Variants in FLVCR2 observed in about 807,000 individuals in gnomAD.
The protein encoded by FLVCR2 is FLVCR choline and putative heme transporter 2.
In FLVCR2, 38 loss-of-function variants were observed where a neutral mutation model predicts 48.9. The observed-to-expected ratio is 0.78, with a 90% CI of 0.60 to 1.02. The LOEUF (loss-of-function observed/expected upper bound fraction) is 1.02, where lower values mean the gene tolerates loss of function less well. Among genes scored for constraint, FLVCR2 ranks in the 50% least tolerant of loss-of-function variants. The pLI, the probability that FLVCR2 is intolerant of heterozygous loss-of-function variation, is 0.00. For missense variants in FLVCR2, 664 were observed against 663.3 expected (o/e 1.00, Z -0.01); for synonymous variants, 255 against 257.0 (o/e 0.99, Z 0.07).
intron 1 of FLVCR2, among the ~76,000 whole-genome samples, chr14:75,590,291 C>T (rs1888849805): frequency 6.6e-6 from 1 of 152,174 alleles, no homozygotes; most frequent in Admixed American, 6.5e-5. Context: ...GCCCACGTGA[C>T]CCAAACACTT....
At chr14:75,592,572 G>T (rs765525974) in intron 1 of FLVCR2, among the ~76,000 whole-genome samples, 14 of 152,142 alleles carry the variant, frequency 9.2e-5, no homozygotes, top group Admixed American at 3.3e-4. Flanking sequence ...ACTTGGCCAG[G>T]CTGCAAATTT....
chr14:75,602,109 G>A (rs920451042), intron 1 of FLVCR2, among the ~76,000 whole-genome samples: 1 of 152,224 alleles, frequency 6.6e-6, no homozygotes, highest in African/African-American at 2.4e-5. Flanking sequence ...GATGGGGATT[G>A]TGGAGCTTCC....
chr14:75,635,112 A>G (rs1390841354), intron 5 of FLVCR2, 99 bp downstream of exon 5: 1 of 811,898 alleles, frequency 1.2e-6, no homozygotes, highest in Non-Finnish European at 2.1e-6. Context: ...TGGAGATCCT[A>G]GTGGCCAAGC....
chr14:75,623,568 G>T (rs550522500), intron 2 of FLVCR2, among the ~76,000 whole-genome samples: 1 of 151,916 alleles, frequency 6.6e-6, no homozygotes, highest in Admixed American at 6.6e-5. Context: ...TCATTCAACC[G>T]TTCTCATTGC....
rs1889850799 is a variant in FLVCR2 at position 75,624,594 on chromosome 14, C to G, written c.812-18C>G. 6.2e-7 allele frequency: 1 copy of G among 1,613,994 alleles called. No homozygotes were observed. The highest frequency in any genetic ancestry group is 1.7e-5 in the Admixed American group (1 of 60,000). On this transcript the variant is annotated intron_variant, in intron 2 of 9. Transcript: ENST00000238667. ...GGACCATGGGAATTTTCAGCCATCTCTGTTTTTTTCCTTTCAGTGTTCAAG... is the reference window on the plus strand; with the variant it reads ...GGACCATGGGAATTTTCAGCCATCTGTGTTTTTTTCCTTTCAGTGTTCAAG...
intron 1 of FLVCR2, among the ~76,000 whole-genome samples, chr14:75,607,409 G>C (rs116840170): frequency 6.6e-6 from 1 of 152,116 alleles, no homozygotes; most frequent in Non-Finnish European, 1.5e-5. Flanking sequence ...GAATTGGCTG[G>C]CTCCAAACCA....
chr14:75,580,322 A>G (rs1182669377), intron 1 of FLVCR2, among the ~76,000 whole-genome samples: 1 of 152,246 alleles, frequency 6.6e-6, no homozygotes. Context: ...CAATGTGGTT[A>G]TGATCCAGAA....
Position 75,594,538 on chromosome 14 carries a change from TG to T in FLVCR2, c.669+14899del, listed in dbSNP as rs113760916. 3.2e-3 allele frequency among the ~76,000 whole-genome samples: 489 copies of T among 152,340 alleles called. 1 individual carries two copies. Among genetic ancestry groups the T allele is most frequent in the African/African-American group, 0.011 (441 of 41,574 alleles). On this transcript the variant is annotated intron_variant, in intron 1 of 9. Coordinates refer to ENST00000238667, the MANE Select transcript of FLVCR2 (RefSeq NM_017791.3). ...ATTGAACAGAAATTAATTTGGCTTA[TG>T]GTTCTGGAGGCTGGGAAACCCATGA...
At chr14:75,580,066 A>G (rs1043303065) in intron 1 of FLVCR2, among the ~76,000 whole-genome samples, 2 of 152,216 alleles carry the variant, frequency 1.3e-5, no homozygotes, top group Non-Finnish European at 1.5e-5. Flanking sequence ...CCTCTACTGC[A>G]TAGAATTGCA....
chr14:75,621,160 G>A (rs748560061), intron 1 of FLVCR2, among the ~76,000 whole-genome samples: 5 of 152,096 alleles, frequency 3.3e-5, no homozygotes, highest in Non-Finnish European at 7.4e-5. Context: ...ATAAGAAATG[G>A]TTTAGCACTT....
chr14:75,622,291 G>C, intron 2 of FLVCR2, 71 bp downstream of exon 2: 1 of 1,431,218 alleles, frequency 7.0e-7, no homozygotes, highest in Non-Finnish European at 9.9e-7. Context: ...ACTTTGATGG[G>C]ACCCTTGTGA....
intron 1 of FLVCR2, among the ~76,000 whole-genome samples, chr14:75,621,679 T>G (rs1889770621): frequency 6.6e-6 from 1 of 152,220 alleles, no homozygotes; most frequent in Non-Finnish European, 1.5e-5. Flanking sequence ...TCTCCCCAGC[T>G]GGGCTCTCAG....
At chr14:75,618,976 C>T (rs140631785) in intron 1 of FLVCR2, among the ~76,000 whole-genome samples, 2,125 of 151,712 alleles carry the variant, frequency 0.014, 39 homozygotes, top group African/African-American at 0.049. Flanking sequence ...GTAATCCCAG[C>T]GCTTTGGGAG....
At chr14:75,640,458 A>G (rs968329253) in intron 6 of FLVCR2, among the ~76,000 whole-genome samples, 3 of 151,758 alleles carry the variant, frequency 2.0e-5, no homozygotes, top group Non-Finnish European at 2.9e-5. Context: ...TGAAAGAGAG[A>G]AAGAGGGAGA....
chr14:75,607,197 T>G (rs1889313616), intron 1 of FLVCR2, among the ~76,000 whole-genome samples: 1 of 152,148 alleles, frequency 6.6e-6, no homozygotes, highest in Non-Finnish European at 1.5e-5. Context: ...CTCACAGGGT[T>G]GCCATGAAAG....
chr14:75,639,345 C>G lies in FLVCR2; in HGVS notation c.1125-7C>G. 2 of 1,587,552 alleles carry G rather than the reference C, an allele frequency of 1.3e-6. No homozygotes were observed. The highest frequency in any genetic ancestry group is 1.7e-6 in the Non-Finnish European group (2 of 1,155,876). ...GTTTGATTCAATTTCTTTGCCTCTACTTGTAGAGAGACAACCCTGGTAGTC... is the reference window on the plus strand; with the variant it reads ...GTTTGATTCAATTTCTTTGCCTCTAGTTGTAGAGAGACAACCCTGGTAGTC... On this transcript the variant is annotated splice_polypyrimidine_tract_variant and splice_region_variant and intron_variant, in intron 5 of 9. Coordinates refer to ENST00000238667, the MANE Select transcript of FLVCR2 (RefSeq NM_017791.3).
chr14:75,598,153 T>G lies in FLVCR2; in HGVS notation c.669+18512T>G. ...AGCCACTGCACCCAGCTGGTCAGGG[T>G]TGATTTATGATACGTTTGCTGTAAG... is the stretch of plus-strand genomic sequence containing the variant. On this transcript the variant is annotated intron_variant, in intron 1 of 9. Transcript: ENST00000238667. Among the ~76,000 whole-genome samples the G allele has an allele frequency of 2.0e-5, 3 of 152,006 alleles. No individual in the cohort carries two copies. The South Asian group carries it at 6.3e-4, about 32-fold the overall frequency.
chr14:75,585,821 G>A (rs1005536445), intron 1 of FLVCR2, among the ~76,000 whole-genome samples: 4 of 152,188 alleles, frequency 2.6e-5, no homozygotes, highest in Non-Finnish European at 4.4e-5. Flanking sequence ...CTCTACTAGA[G>A]AGGAAAAAGA....
chr14:75,631,723 C>G, intron 3 of FLVCR2: 1 of 455,646 alleles, frequency 2.2e-6, no homozygotes, highest in Non-Finnish European at 4.4e-6. Flanking sequence ...CGGGAGGAGA[C>G]TATTTTCTTT....
Sources: gnomAD v4.1 joint callset for allele counts (sites outside exome capture counted in the v4.1 genomes callset) on GRCh38, gnomAD v4.1.1 for gene constraint, MANE v1.5 for transcripts, NCBI Gene and HGNC (gene_info 2026-07-23, HGNC 2026-07-21) for gene names.